Variants in ROR1 observed in about 807,000 individuals in gnomAD.
ROR1 encodes inactive tyrosine-protein kinase transmembrane receptor ROR1.
A neutral mutation model predicts 78.8 loss-of-function variants in ROR1; 19 were observed. That is an observed-to-expected ratio of 0.24 (90% CI 0.17 to 0.35). ROR1 has a LOEUF of 0.35. ROR1 is among the 10% of genes least tolerant of loss of function. The probability of loss-of-function intolerance (pLI) is 1.00; values close to 1 mark genes in which losing one functional copy is unlikely to be tolerated. For synonymous variants in ROR1, 386 were observed against 433.6 expected, an observed-to-expected ratio of 0.89 and a Z score of 1.36; for missense variants, 917 against 1,177.8, an observed-to-expected ratio of 0.78 and a Z score of 3.24.
intron 4 of ROR1, among the ~76,000 whole-genome samples, chr1:64,136,080 C>T (rs1490679592): frequency 6.6e-6 from 1 of 152,154 alleles, no homozygotes; most frequent in Non-Finnish European, 1.5e-5. Context: ...ATAAATGTCC[C>T]TTTGGTCATT....
chr1:64,002,019 G>T (rs1408824469), intron 1 of ROR1, among the ~76,000 whole-genome samples: 1 of 151,706 alleles, frequency 6.6e-6, no homozygotes, highest in African/African-American at 2.4e-5. Context: ...GGCTGTTTTT[G>T]TCAGGTCTTA....
chr1:63,869,830 C>A (rs910276180), intron 1 of ROR1, among the ~76,000 whole-genome samples: 1 of 152,162 alleles, frequency 6.6e-6, no homozygotes, highest in African/African-American at 2.4e-5. Context: ...AGGAATCTTG[C>A]AACTGGACAT....
At chr1:63,934,742 G>A (rs1013913195) in intron 1 of ROR1, among the ~76,000 whole-genome samples, 24 of 152,040 alleles carry the variant, frequency 1.6e-4, no homozygotes, top group African/African-American at 5.8e-4. Flanking sequence ...AGATATCAGG[G>A]TCTTGAGGGA....
In ROR1 at chr1:64,142,409, C is replaced by G; in HGVS notation, c.933C>G (p.His311Gln). The change falls in exon 7 of 9, where the codon CAC becomes CAG. Residue 311 changes from histidine (H) to glutamine (Q), a missense_variant. Physicochemically the swap from His to Gln is conservative, Grantham distance 24. This residue lies in a region of ROR1 where 835 missense variants were observed against 1,069.8 expected (regional missense o/e 0.78). Coordinates refer to ENST00000371079, the MANE Select transcript of ROR1 (RefSeq NM_005012.4). ...GGGTTTTTGTGTGTTTTTCAGATCACAAGTGTTATAACAGCACAGGTGTGG... is the reference window on the plus strand; with the variant it reads ...GGGTTTTTGTGTGTTTTTCAGATCAGAAGTGTTATAACAGCACAGGTGTGG... ...IPMADPINKN[H>Q]KCYNSTGVDY... 2 of 1,613,988 alleles carry G rather than the reference C, an allele frequency of 1.2e-6. No homozygotes were observed. Among genetic ancestry groups the G allele is most frequent in the Non-Finnish European group, 1.7e-6 (2 of 1,179,976 alleles).
At chr1:64,021,951 A>G (rs1297858568) in intron 2 of ROR1, among the ~76,000 whole-genome samples, 3 of 152,226 alleles carry the variant, frequency 2.0e-5, no homozygotes, top group Non-Finnish European at 2.9e-5. Context: ...GCACATATTC[A>G]TAGCTGTATT....
chr1:63,934,259 C>G (rs548684446), intron 1 of ROR1, among the ~76,000 whole-genome samples: 1 of 152,250 alleles, frequency 6.6e-6, no homozygotes, highest in East Asian at 1.9e-4. Context: ...GGGCCTGGCT[C>G]TGAGCTAGAC....
rs554443072 is a variant in ROR1 at position 63,865,152 on chromosome 1, A to T, written c.91+90644A>T. Reference sequence around the variant, plus strand: ...AGAAATTGAGTGCATCTGCAAGGGAATTTTTTTTTAAATGTTATTGGTAGT... The same window carrying T: ...AGAAATTGAGTGCATCTGCAAGGGATTTTTTTTTTAAATGTTATTGGTAGT... On this transcript the variant is annotated intron_variant, in intron 1 of 8. Coordinates refer to ENST00000371079, the MANE Select transcript of ROR1 (RefSeq NM_005012.4). Among the ~76,000 whole-genome samples the T allele has an allele frequency of 4.6e-5, 7 of 151,884 alleles. No homozygotes were observed. The South Asian group carries it at 1.0e-3, about 23-fold the overall frequency.
At chr1:64,145,102 C>T (rs1432213014) in intron 7 of ROR1, among the ~76,000 whole-genome samples, 3 of 152,042 alleles carry the variant, frequency 2.0e-5, no homozygotes, top group South Asian at 4.1e-4. Flanking sequence ...AAAGATAAAT[C>T]GATTCGAATT....
At chr1:64,157,304 AT>A (rs1346960478) in intron 7 of ROR1, among the ~76,000 whole-genome samples, 3 of 151,922 alleles carry the variant, frequency 2.0e-5, no homozygotes, top group Non-Finnish European at 2.9e-5. Context: ...TGCCTGGCTA[AT>A]TTTTTTAATT....
At chr1:64,101,337 G>A (rs1647532656) in intron 4 of ROR1, among the ~76,000 whole-genome samples, 1 of 152,120 alleles carries the variant, frequency 6.6e-6, no homozygotes, top group South Asian at 2.1e-4. Context: ...GAGTCTTTGG[G>A]AGCCCATAGT....
intron 7 of ROR1, among the ~76,000 whole-genome samples, chr1:64,152,468 C>G (rs576516489): frequency 1.3e-5 from 2 of 152,206 alleles, no homozygotes; most frequent in African/African-American, 4.8e-5. Context: ...GCTATAAGTG[C>G]CATATGTAAA....
intron 1 of ROR1, among the ~76,000 whole-genome samples, chr1:63,838,722 T>C (rs1645032890): frequency 6.6e-6 from 1 of 152,182 alleles, no homozygotes; most frequent in Admixed American, 6.5e-5. Context: ...TTATAAAGCC[T>C]ACAGTAGTGT....
intron 1 of ROR1, among the ~76,000 whole-genome samples, chr1:63,914,532 G>A (rs1252773816): frequency 2.0e-5 from 3 of 152,198 alleles, no homozygotes; most frequent in Non-Finnish European, 2.9e-5. Flanking sequence ...GTTATGCAAA[G>A]CTGAGAACCT....
intron 1 of ROR1, among the ~76,000 whole-genome samples, chr1:63,890,844 G>C (rs1483575635): frequency 1.3e-5 from 2 of 152,156 alleles, no homozygotes; most frequent in Non-Finnish European, 2.9e-5. Context: ...TTCTAGGACT[G>C]TTCCAAATCC....
chr1:64,013,274 T>A (rs1041135511), intron 2 of ROR1, among the ~76,000 whole-genome samples: 2 of 152,184 alleles, frequency 1.3e-5, no homozygotes, highest in African/African-American at 4.8e-5. Flanking sequence ...GGGGTAGACA[T>A]CTTAGATTCT....
At chr1:64,060,861 AT>A (rs1410711159) in intron 4 of ROR1, among the ~76,000 whole-genome samples, 1 of 152,232 alleles carries the variant, frequency 6.6e-6, no homozygotes, top group Non-Finnish European at 1.5e-5. Flanking sequence ...CCAAGCTCTT[AT>A]GTACCAATCC....
intron 2 of ROR1, among the ~76,000 whole-genome samples, chr1:64,027,219 C>A (rs1033974086): frequency 6.6e-6 from 1 of 152,194 alleles, no homozygotes; most frequent in African/African-American, 2.4e-5. Flanking sequence ...CACAGAATCT[C>A]TTCTTTCTCT....
intron 4 of ROR1, among the ~76,000 whole-genome samples, chr1:64,053,491 T>C (rs1163828889): frequency 6.6e-6 from 1 of 152,230 alleles, no homozygotes; most frequent in African/African-American, 2.4e-5. Context: ...TCATTTCTTC[T>C]GTCATTGCTG....
chr1:64,024,697 C>G (rs1646594248), intron 2 of ROR1, among the ~76,000 whole-genome samples: 1 of 152,176 alleles, frequency 6.6e-6, no homozygotes, highest in South Asian at 2.1e-4. Flanking sequence ...TCTTAAATCT[C>G]TCTGCATATT....
Sources: allele counts gnomAD v4.1 joint callset (sites outside exome capture counted in the v4.1 genomes callset), GRCh38; gene constraint gnomAD v4.1.1; regional missense constraint gnomAD v4.1.1; transcripts MANE v1.5; gene names NCBI Gene and HGNC (gene_info 2026-07-23, HGNC 2026-07-21).